Variants in ZNF69 observed in about 807,000 individuals in gnomAD.
ZNF69 encodes zinc finger protein 69.
A neutral mutation model predicts 50.9 loss-of-function variants in ZNF69; 47 were observed. The ratio of observed to expected loss-of-function variants is 0.92; its 90% confidence interval spans 0.73 to 1.18. ZNF69 has a LOEUF of 1.18. ZNF69 is among the 50% of genes most tolerant of loss of function. ZNF69 has a pLI of 0.00. For synonymous variants in ZNF69, 216 were observed against 223.1 expected (o/e 0.97, Z 0.29); for missense variants, 717 against 675.1 (o/e 1.06, Z -0.69).
At chr19:11,942,387 G>A in the ZNF69 span, among the ~76,000 whole-genome samples, 2 of 151,986 alleles carry the variant, frequency 1.3e-5, no homozygotes, top group African/African-American at 4.8e-5. Flanking sequence ...ACTCCGTTAT[G>A]ACAGGTGCTA....
chr19:11,960,574 A>G, the ZNF69 span, among the ~76,000 whole-genome samples: 1 of 150,500 alleles, frequency 6.6e-6, no homozygotes, highest in Non-Finnish European at 1.5e-5. Context: ...GATTGCAGAC[A>G]TGATCCACCA....
intron 3 of ZNF69, 141 bp downstream of exon 3, chr19:11,904,106 A>C: frequency 8.7e-7 from 1 of 1,149,284 alleles, no homozygotes; most frequent in Non-Finnish European, 1.2e-6. Flanking sequence ...CATATATATA[A>C]ATGTGACCTA....
the ZNF69 span, among the ~76,000 whole-genome samples, chr19:11,959,161 T>G: frequency 0.17 from 26,265 of 152,204 alleles, 4,802 homozygotes; most frequent in African/African-American, 0.47. Flanking sequence ...TTCTGGGATT[T>G]CAGGCATGAG....
At chr19:11,979,688 AC>A in the ZNF69 span, 3 of 1,601,626 alleles carry the variant, frequency 1.9e-6, no homozygotes, top group Non-Finnish European at 2.6e-6. Flanking sequence ...GCATGCTGGG[AC>A]TCACCCTGAA....
the ZNF69 span, among the ~76,000 whole-genome samples, chr19:11,942,988 C>T: frequency 2.1e-4 from 32 of 152,286 alleles, no homozygotes; most frequent in South Asian, 6.4e-3. Flanking sequence ...CAAGACAGAT[C>T]AATAGTGGTT....
chr19:11,957,966 G>A, the ZNF69 span, among the ~76,000 whole-genome samples: 352 of 152,278 alleles, frequency 2.3e-3, no homozygotes, highest in Admixed American at 3.5e-3. Flanking sequence ...TGGTTTGTGA[G>A]GTAAATACTG....
the ZNF69 span, among the ~76,000 whole-genome samples, chr19:11,963,343 C>T: frequency 6.6e-6 from 1 of 152,200 alleles, no homozygotes; most frequent in African/African-American, 2.4e-5. Context: ...GCTCCTCCCA[C>T]TTTGGCCTCC....
chr19:11,901,343 C>T (rs1272947899), intron 1 of ZNF69, among the ~76,000 whole-genome samples: 4 of 152,214 alleles, frequency 2.6e-5, no homozygotes, highest in Middle Eastern at 3.4e-3. Flanking sequence ...GAATTGCCGA[C>T]GTGTGAAAAA....
At chr19:11,917,908 C>T (rs1972535906), downstream of ZNF69, among the ~76,000 whole-genome samples, 1 of 151,514 alleles carries the variant, frequency 6.6e-6, no homozygotes, top group Admixed American at 6.6e-5. Flanking sequence ...CTACCTCAGC[C>T]TCCTGAGTAG....
the ZNF69 span, among the ~76,000 whole-genome samples, chr19:11,967,466 G>A: frequency 4.6e-5 from 7 of 151,926 alleles, no homozygotes; most frequent in African/African-American, 1.2e-4. Context: ...GTGCAGTGGC[G>A]CGATCTCGGC....
At chr19:11,953,083 C>CA in the ZNF69 span, 3 of 151,798 alleles carry the variant, frequency 2.0e-5, no homozygotes, top group Non-Finnish European at 4.4e-5. Context: ...CACACACACA[C>CA]AAAAAAAATT....
At chr19:11,975,072 A>C in the ZNF69 span, among the ~76,000 whole-genome samples, 3 of 151,730 alleles carry the variant, frequency 2.0e-5, no homozygotes, top group Admixed American at 2.0e-4. Flanking sequence ...CTTGCATGTC[A>C]TAGTACGGGC....
chr19:11,911,505 G>A (rs1972457342), downstream of ZNF69, among the ~76,000 whole-genome samples: 1 of 152,176 alleles, frequency 6.6e-6, no homozygotes, highest in African/African-American at 2.4e-5. Flanking sequence ...AAAAAATGAT[G>A]AGTTCATGTC....
Position 11,887,910 on chromosome 19 carries a change from C to T in ZNF69, c.-14C>T. On this transcript the variant is annotated 5_prime_UTR_variant, in exon 1 of 4. Transcript: ENST00000429654. ...TTCCTCTGCCCAGGCTTCTGTCACT[C>T]TGTCACCTACGCTATGCCCTGCTGT... 3 of 1,609,982 alleles carry T rather than the reference C, an allele frequency of 1.9e-6. No homozygotes were observed. Among genetic ancestry groups the T allele is most frequent in the Admixed American group, 1.7e-5 (1 of 59,858 alleles).
the ZNF69 span, among the ~76,000 whole-genome samples, chr19:11,934,903 G>A: frequency 6.1e-5 from 9 of 147,536 alleles, 1 homozygote; most frequent in Admixed American, 2.7e-4. Flanking sequence ...GTCTTTGGTC[G>A]GGTGCGGTGG....
intron 3 of ZNF69, 94 bp downstream of exon 3, chr19:11,904,059 T>C (rs1371144264): frequency 7.1e-7 from 1 of 1,413,240 alleles, no homozygotes; most frequent in Non-Finnish European, 9.7e-7. Flanking sequence ...AAGTCCAGGA[T>C]CAAATACATT....
At chr19:11,978,160 AT>A in the ZNF69 span, 1 of 1,613,926 alleles carries the variant, frequency 6.2e-7, no homozygotes, top group East Asian at 2.2e-5. Flanking sequence ...GAAGACAGTC[AT>A]TGTGGAGAAA....
Position 11,905,818 on chromosome 19 carries a change from G to T in ZNF69, c.1421G>T (p.Gly474Val). 6.2e-7 allele frequency: 1 copy of T among 1,613,912 alleles called. No individual in the cohort carries two copies. The highest frequency in any genetic ancestry group is 8.5e-7 in the Non-Finnish European group (1 of 1,180,000). The stretch of plus-strand genomic sequence containing the variant: ...CAAACACACGTAAGAATACACTCTG[G>T]AGAAAGACCTTATAAATGTAAGCTA... ...RTQTHVRIHS[G>V]ERPYKCKLCG... Residue 474 changes from glycine to valine, a missense_variant, in exon 4 of 4, where the codon GGA (glycine) becomes GTA (valine). Physicochemically the swap from Gly to Val is moderately radical, Grantham distance 109. Transcript: ENST00000429654.
At chr19:11,979,523 C>A in the ZNF69 span, 1 of 1,602,280 alleles carries the variant, frequency 6.2e-7, no homozygotes, top group East Asian at 2.2e-5. Flanking sequence ...TGAAAAAACT[C>A]ACACTGCAGA....
Sources: gnomAD v4.1 joint callset for allele counts (sites outside exome capture counted in the v4.1 genomes callset) on GRCh38, gnomAD v4.1.1 for gene constraint, MANE v1.5 for transcripts, NCBI Gene and HGNC (gene_info 2026-07-23, HGNC 2026-07-21) for gene names.